The following ABR variants were observed in gnomAD, a reference collection of about 807,000 sequenced individuals.
The protein encoded by ABR is active breakpoint cluster region-related protein.
In ABR, 35 loss-of-function variants were observed where a neutral mutation model predicts 107.2. The observed-to-expected ratio is 0.33, with a 90% CI of 0.25 to 0.43. The LOEUF is 0.43. ABR is among the 20% of genes least tolerant of loss of function. The pLI, the probability that ABR is intolerant of heterozygous loss-of-function variation, is 1.00. For missense variants in ABR, 815 were observed against 1,115.2 expected (o/e 0.73, Z 3.83); for synonymous variants, 498 against 462.0 (o/e 1.08, Z -1.00).
At position 1,179,912 on chromosome 17, in the gene ABR, A is replaced by C; in HGVS notation, c.-185T>G. 2.0e-6 allele frequency: 1 copy of C among 503,524 alleles called. No homozygotes were observed. 31.2% of individuals were successfully genotyped at this position (503,524 alleles called of 1,614,324 possible). A position where few individuals can be genotyped will look rare whatever the true frequency, so the allele number is the denominator to read the frequency against. On this transcript the variant is annotated 5_prime_UTR_variant, in exon 1 of 23. Transcript: ENST00000302538. The surrounding 1 kb of genome is among the most constrained non-coding windows in gnomAD (Gnocchi z 4.9). Reference sequence around the variant, plus strand: ...GGCGAGGGCGGGGCGGGAGCCCCCAAAACCCTCCCGAACCCTCCCGGCCCC... The same window carrying C: ...GGCGAGGGCGGGGCGGGAGCCCCCACAACCCTCCCGAACCCTCCCGGCCCC...
intron 1 of ABR, among the ~76,000 whole-genome samples, chr17:1,152,086 G>A (rs892360510): frequency 5.3e-5 from 8 of 151,338 alleles, no homozygotes; most frequent in African/African-American, 1.7e-4. Context: ...TCAGGAAATC[G>A]AGACCATCCT....
chr17:1,041,298 G>A (rs2030425641), intron 16 of ABR, among the ~76,000 whole-genome samples: 1 of 152,182 alleles, frequency 6.6e-6, no homozygotes, highest in Non-Finnish European at 1.5e-5. Context: ...CCATTCAGAG[G>A]ATGTATCGTA....
chr17:1,013,114 C>G lies in ABR; in HGVS notation c.1842G>C (p.Glu614Asp). The G allele has an allele frequency of 1.9e-6, 3 of 1,614,148 alleles. No individual in the cohort carries two copies. Among genetic ancestry groups the G allele is most frequent in the Non-Finnish European group, 1.7e-6 (2 of 1,180,002 alleles). ...CCCATCCCCGGCTCACCCCGTTCATCTCAATCACGTCCGTGTGCCAGTTCT... is the reference window on the plus strand; with the variant it reads ...CCCATCCCCGGCTCACCCCGTTCATGTCAATCACGTCCGTGTGCCAGTTCT... ...ETKNWHTDVIEMNGIKVEFSM... is the reference protein window; with the variant it reads ...ETKNWHTDVIDMNGIKVEFSM... Residue 614 changes from glutamate to aspartate, a missense_variant, in exon 17 of 23, where the codon GAG becomes GAC. Coordinates refer to ENST00000302538, the MANE Select transcript of ABR (RefSeq NM_021962.5).
rs1259269330 is a variant in ABR at position 1,065,843 on chromosome 17, T to G, written c.1182+1234A>C. On this transcript the variant is annotated intron_variant, in intron 10 of 22. Coordinates refer to ENST00000302538, the MANE Select transcript of ABR (RefSeq NM_021962.5). ...TCAATGCAACCTCTGCCTCCCAGGTTCAAGCAATTCTCCTGTCTCAGCCTC... is the reference window on the plus strand; with the variant it reads ...TCAATGCAACCTCTGCCTCCCAGGTGCAAGCAATTCTCCTGTCTCAGCCTC... Among the ~76,000 whole-genome samples, 3 of 150,572 alleles carry G rather than the reference T, an allele frequency of 2.0e-5. No homozygotes were observed. The East Asian group carries it at 5.9e-4, about 30-fold the overall frequency.
intron 1 of ABR, among the ~76,000 whole-genome samples, chr17:1,135,957 ATT>A (rs35676621): frequency 0.017 from 2,544 of 149,188 alleles, 68 homozygotes; most frequent in African/African-American, 0.058. Flanking sequence ...AAATTTTAGC[ATT>A]TTTTTTTTTC....
chr17:1,215,692 G>C (rs1049208201), intron 1 of ABR, among the ~76,000 whole-genome samples: 1 of 152,200 alleles, frequency 6.6e-6, no homozygotes, highest in African/African-American at 2.4e-5. Context: ...GCAGCTCATT[G>C]AGAACGGGCC....
At chr17:1,007,971 C>G (rs1276321839) in intron 21 of ABR, among the ~76,000 whole-genome samples, 1 of 152,222 alleles carries the variant, frequency 6.6e-6, no homozygotes, top group East Asian at 1.9e-4. Context: ...CCAGATGAGC[C>G]CGGGGACTGT....
At chr17:1,142,708 G>A (rs1045598046) in intron 1 of ABR, among the ~76,000 whole-genome samples, 11 of 152,192 alleles carry the variant, frequency 7.2e-5, no homozygotes, top group African/African-American at 2.7e-4. Context: ...CTTGGGGACT[G>A]TGGGATTCGC....
intron 1 of ABR, among the ~76,000 whole-genome samples, chr17:1,193,706 T>TA (rs979435222): frequency 6.6e-6 from 1 of 152,174 alleles, no homozygotes; most frequent in African/African-American, 2.4e-5. Context: ...ATGTTTGAGA[T>TA]AGAGTCTCCC....
intron 1 of ABR, among the ~76,000 whole-genome samples, chr17:1,223,966 A>G (rs570012471): frequency 6.6e-4 from 101 of 152,294 alleles, no homozygotes; most frequent in Non-Finnish European, 1.3e-3. Context: ...GCCAAACCCT[A>G]TCAGTGCCTG....
Position 1,070,266 on chromosome 17 carries a change from G to C in ABR, c.895-176C>G, listed in dbSNP as rs1053724463. Among the ~76,000 whole-genome samples the C allele has an allele frequency of 1.2e-4, 19 of 152,064 alleles. No homozygotes were observed. The highest frequency in any genetic ancestry group is 2.6e-4 in the Non-Finnish European group (18 of 68,002). On this transcript the variant is annotated intron_variant, in intron 8 of 22. Coordinates refer to ENST00000302538, the MANE Select transcript of ABR (RefSeq NM_021962.5). The surrounding 1 kb of genome is among the most constrained non-coding windows in gnomAD (Gnocchi z 4.2). ...TTTGGAGTCACATGGGCATGGGTTT[G>C]AATGCCAACAGGCTTCTCAGCTGTG...
At chr17:1,072,102 C>T (rs2035285753) in intron 8 of ABR, among the ~76,000 whole-genome samples, 1 of 152,220 alleles carries the variant, frequency 6.6e-6, no homozygotes, top group Non-Finnish European at 1.5e-5. Flanking sequence ...CGGGGCTTCA[C>T]CATGTTGGCC....
intron 1 of ABR, among the ~76,000 whole-genome samples, chr17:1,167,254 T>G (rs2041549243): frequency 6.6e-6 from 1 of 151,652 alleles, no homozygotes; most frequent in Admixed American, 6.6e-5. Flanking sequence ...CCTGCTTGGA[T>G]CCTCCCTGCT....
chr17:1,034,561 G>C (rs1444570813), intron 16 of ABR, among the ~76,000 whole-genome samples: 1 of 152,160 alleles, frequency 6.6e-6, no homozygotes, highest in Admixed American at 6.5e-5. Context: ...GAGGCAACTG[G>C]GGAAGGCTTC....
chr17:1,228,589 G>A (rs550944661), intron 1 of ABR, among the ~76,000 whole-genome samples: 1 of 152,254 alleles, frequency 6.6e-6, no homozygotes, highest in African/African-American at 2.4e-5. Flanking sequence ...AGAGTCGCCC[G>A]AGCTTAACGT....
Position 1,009,740 on chromosome 17 carries a change from G to A in ABR, c.2281C>T (p.Leu761Phe), listed in dbSNP as rs2150714041. 6.2e-7 allele frequency: 1 copy of A among 1,614,182 alleles called. No individual in the cohort carries two copies. Among genetic ancestry groups the A allele is most frequent in the African/African-American group, 1.3e-5 (1 of 75,076 alleles). The change falls in exon 21 of 23, where the codon CTC (leucine) becomes TTC (phenylalanine). Residue 761 changes from leucine (L) to phenylalanine (F), a missense_variant. Leu to Phe is a conservative substitution (Grantham distance 22). Coordinates refer to ENST00000302538, the MANE Select transcript of ABR (RefSeq NM_021962.5). ...AAKENCMMHL[L>F]RSLPDPNLIT... ...AGGTTGGGGTCGGGCAGGGAGCGGA[G>A]CAGGTGCATCATGCAGTTTTCCTTG...
At chr17:1,199,054 GAA>G (rs5818787) in intron 1 of ABR, among the ~76,000 whole-genome samples, 1 of 129,880 alleles carries the variant, frequency 7.7e-6, no homozygotes, top group Non-Finnish European at 1.6e-5. Flanking sequence ...ACTCTGACTC[GAA>G]AAAAAAAAAA....
intron 6 of ABR, among the ~76,000 whole-genome samples, chr17:1,074,311 C>A (rs2035520667): frequency 6.6e-6 from 1 of 151,238 alleles, no homozygotes; most frequent in Non-Finnish European, 1.5e-5. Flanking sequence ...CAGCCATGCC[C>A]TGCAGAGTCT....
chr17:1,067,531 A>G lies in ABR; in HGVS notation c.1017-289T>C, dbSNP rs544440179. Among the ~76,000 whole-genome samples, 3 of 152,360 alleles carry G rather than the reference A, an allele frequency of 2.0e-5. No individual in the cohort carries two copies. In the East Asian group the frequency reaches 5.8e-4, roughly 29 times the overall value. On this transcript the variant is annotated intron_variant, in intron 9 of 22. Coordinates refer to ENST00000302538, the MANE Select transcript of ABR (RefSeq NM_021962.5). ...AACATCCCAAACCACTTAGGTATCA[A>G]GAAGAGCGAAGCCTTCCTGGCTGGG...
Sources: allele counts gnomAD v4.1 joint callset (sites outside exome capture counted in the v4.1 genomes callset), GRCh38; gene constraint gnomAD v4.1.1; non-coding constraint Gnocchi (gnomAD v3.1); transcripts MANE v1.5; gene names NCBI Gene and HGNC (gene_info 2026-07-23, HGNC 2026-07-21).